The following RIMKLA variants were observed in gnomAD, a reference collection of about 807,000 sequenced individuals.
The protein encoded by RIMKLA is ribosomal modification protein rimK like family member A, also known as N-acetylaspartylglutamate synthase A.
In RIMKLA, 14 loss-of-function variants were observed where a neutral mutation model predicts 32.7. That is an observed-to-expected ratio of 0.43 (90% confidence interval 0.28 to 0.67). RIMKLA has a LOEUF of 0.67. RIMKLA is among the 30% of genes least tolerant of loss of function. RIMKLA has a pLI of 0.18. For missense variants in RIMKLA, 410 were observed against 519.0 expected (o/e 0.79, Z 2.04); for synonymous variants, 176 against 204.1 (o/e 0.86, Z 1.18).
At chr1:42,392,720 CATT>C (rs1643010544) in intron 1 of RIMKLA, among the ~76,000 whole-genome samples, 1 of 152,080 alleles carries the variant, frequency 6.6e-6, no homozygotes, top group African/African-American at 2.4e-5. Flanking sequence ...GAGAGGTAGA[CATT>C]ATGAGTTTAT....
intron 1 of RIMKLA, among the ~76,000 whole-genome samples, chr1:42,384,062 G>T (rs1217376862): frequency 6.6e-6 from 1 of 152,164 alleles, no homozygotes; most frequent in Non-Finnish European, 1.5e-5. Context: ...ATTGGGGCAG[G>T]TATGGGCAGT....
chr1:42,389,206 C>T (rs1002030987), intron 1 of RIMKLA, among the ~76,000 whole-genome samples: 1 of 152,126 alleles, frequency 6.6e-6, no homozygotes, highest in Non-Finnish European at 1.5e-5. Context: ...TATCAGAACT[C>T]AGTATGAGTT....
At chr1:42,410,543 G>A (rs902780975) in intron 4 of RIMKLA, among the ~76,000 whole-genome samples, 1 of 152,176 alleles carries the variant, frequency 6.6e-6, no homozygotes, top group African/African-American at 2.4e-5. Flanking sequence ...ATTTGAAGCT[G>A]TTGCAACAGC....
chr1:42,403,713 G>C (rs1643120145), intron 2 of RIMKLA, among the ~76,000 whole-genome samples: 1 of 152,184 alleles, frequency 6.6e-6, no homozygotes, highest in Admixed American at 6.5e-5. Flanking sequence ...AGCTTCAAAT[G>C]ATACCCATTG....
At chr1:42,393,750 T>C (rs1453594652) in intron 1 of RIMKLA, among the ~76,000 whole-genome samples, 2 of 152,198 alleles carry the variant, frequency 1.3e-5, no homozygotes, top group Non-Finnish European at 2.9e-5. Flanking sequence ...CAACACAAGA[T>C]AATCTGAAGT....
intron 1 of RIMKLA, among the ~76,000 whole-genome samples, chr1:42,390,140 C>T (rs1336092364): frequency 1.3e-5 from 2 of 149,360 alleles, no homozygotes; most frequent in East Asian, 2.0e-4. Context: ...TGGGTTCAAG[C>T]GATTCCCCTG....
chr1:42,395,789 C>T (rs1303836338), intron 1 of RIMKLA, among the ~76,000 whole-genome samples: 1 of 152,150 alleles, frequency 6.6e-6, no homozygotes, highest in African/African-American at 2.4e-5. Context: ...TGCCGAGGGC[C>T]AGCCTTAAAC....
At chr1:42,404,416 A>G (rs2148391811) in intron 2 of RIMKLA, 95 bp from the exon 3 acceptor site, 1 of 783,748 alleles carries the variant, frequency 1.3e-6, no homozygotes, top group South Asian at 1.4e-5. Flanking sequence ...GAGAGAGATG[A>G]GGCCTCACAA....
intron 1 of RIMKLA, among the ~76,000 whole-genome samples, chr1:42,386,642 G>A (rs553292065): frequency 1.7e-4 from 25 of 150,998 alleles, no homozygotes; most frequent in East Asian, 3.9e-4. Flanking sequence ...TTGGGAGGCC[G>A]AGGCAGGTGG....
At chr1:42,395,475 A>G (rs1049861908) in intron 1 of RIMKLA, among the ~76,000 whole-genome samples, 12 of 152,012 alleles carry the variant, frequency 7.9e-5, no homozygotes, top group Non-Finnish European at 1.2e-4. Flanking sequence ...CCTCTCCCCA[A>G]GTTAGGGTGA....
rs987239671 is a variant in RIMKLA at position 42,420,526 on chromosome 1, A to C, written c.*5552A>C. The C allele has an allele frequency of 2.0e-5, 3 of 152,236 alleles. No homozygotes were observed. Among genetic ancestry groups the C allele is most frequent in the African/African-American group, 7.2e-5 (3 of 41,458 alleles). 9.4% of individuals were successfully genotyped at this position (152,236 alleles called of 1,614,324 possible). The stretch of plus-strand genomic sequence containing the variant: ...CTCACATACAACCAGATGGATAGCC[A>C]TTCCTTTTCTTAATTTGATTCCTGC... On this transcript the variant is annotated 3_prime_UTR_variant, in exon 5 of 5. Coordinates refer to ENST00000431473, the MANE Select transcript of RIMKLA (RefSeq NM_173642.4).
intron 2 of RIMKLA, among the ~76,000 whole-genome samples, chr1:42,400,955 A>G (rs1434886800): frequency 6.6e-6 from 1 of 152,142 alleles, no homozygotes; most frequent in Non-Finnish European, 1.5e-5. Flanking sequence ...TTTAACACCA[A>G]CATTTTTTTA....
intron 4 of RIMKLA, among the ~76,000 whole-genome samples, chr1:42,411,192 G>C (rs1396506846): frequency 1.3e-5 from 2 of 151,932 alleles, no homozygotes; most frequent in Non-Finnish European, 2.9e-5. Flanking sequence ...AGTTAGCCAA[G>C]TGCAGTAGCA....
chr1:42,387,006 G>T (rs561497492), intron 1 of RIMKLA, among the ~76,000 whole-genome samples: 10 of 151,924 alleles, frequency 6.6e-5, no homozygotes, highest in African/African-American at 2.4e-4. Context: ...AGTGGAGGTT[G>T]CAGTGAGCTG....
intron 1 of RIMKLA, among the ~76,000 whole-genome samples, chr1:42,387,836 T>C (rs921441967): frequency 1.9e-4 from 28 of 151,344 alleles, no homozygotes; most frequent in African/African-American, 6.1e-4. Flanking sequence ...ACAAGGTAAA[T>C]AAAAAGTATA....
chr1:42,401,478 C>T (rs1397769580), intron 2 of RIMKLA, among the ~76,000 whole-genome samples: 6 of 37,216 alleles, frequency 1.6e-4, no homozygotes, highest in South Asian at 8.8e-4. Context: ...GGAGGGAGGG[C>T]GGGCAACTTG....
At chr1:42,407,528 A>T (rs2148393260) in intron 3 of RIMKLA, among the ~76,000 whole-genome samples, 1 of 152,288 alleles carries the variant, frequency 6.6e-6, no homozygotes, top group African/African-American at 2.4e-5. Flanking sequence ...GTTCAACTTG[A>T]TTCTTTTGAA....
Position 42,410,042 on chromosome 1 carries a change from C to G in RIMKLA, c.540C>G (p.Ile180Met). ...ACCTCTCTGACATCTGCCATCTGAT[C>G]CGCCACGATGTGCCCTACCTGTTCC... is the stretch of plus-strand genomic sequence containing the variant. ...KHHLSDICHL[I>M]RHDVPYLFQK... The change falls in exon 4 of 5, where the codon ATC becomes ATG. Residue 180 changes from isoleucine to methionine, a missense_variant. Coordinates refer to ENST00000431473, the MANE Select transcript of RIMKLA (RefSeq NM_173642.4). The G allele has an allele frequency of 6.2e-7, 1 of 1,614,166 alleles. No individual in the cohort carries two copies. The highest frequency in any genetic ancestry group is 8.5e-7 in the Non-Finnish European group (1 of 1,180,024).
chr1:42,419,647 A>T lies in RIMKLA; in HGVS notation c.*4673A>T, dbSNP rs1365620993. On this transcript the variant is annotated 3_prime_UTR_variant, in exon 5 of 5. Transcript: ENST00000431473. Reference sequence around the variant, plus strand: ...CCCTTCTGATGAGCCTCTGTTCTGGATCAACACGGTGTTGATGTGCCAGCT... The same window carrying T: ...CCCTTCTGATGAGCCTCTGTTCTGGTTCAACACGGTGTTGATGTGCCAGCT... 6.6e-6 allele frequency: 1 copy of T among 152,160 alleles called. No individual in the cohort carries two copies. The allele number at this position is 152,160 out of a possible 1,614,324, so 9.4% of individuals were successfully genotyped here.
Sources: allele counts gnomAD v4.1 joint callset (sites outside exome capture counted in the v4.1 genomes callset), GRCh38; gene constraint gnomAD v4.1.1; transcripts MANE v1.5; gene names NCBI Gene and HGNC (gene_info 2026-07-23, HGNC 2026-07-21).